PCDHA1: variants seen among roughly 807,000 people sequenced by gnomAD.
PCDHA1 encodes protocadherin alpha-1.
In PCDHA1, 42 loss-of-function variants were observed where a neutral mutation model predicts 61.3. That is an observed-to-expected ratio of 0.69 (90% CI 0.54 to 0.89). The LOEUF is 0.89. Ranked by LOEUF, PCDHA1 falls within the 40% of genes least tolerant of loss-of-function variation. The pLI is 0.00. For missense variants in PCDHA1, 1,256 were observed against 1,235.3 expected, an observed-to-expected ratio of 1.02 and a Z score of -0.25; for synonymous variants, 610 against 553.8, an observed-to-expected ratio of 1.10 and a Z score of -1.43.
chr5:140,994,249 G>A (rs17119346), intron 3 of PCDHA1, among the ~76,000 whole-genome samples: 45,238 of 152,008 alleles, frequency 0.3, 6,962 homozygotes, highest in East Asian at 0.43. Flanking sequence ...CAAACCCTAG[G>A]TAAATAAGGT....
chr5:141,007,498 G>A (rs936217793), intron 3 of PCDHA1, among the ~76,000 whole-genome samples: 1 of 151,942 alleles, frequency 6.6e-6, no homozygotes. Flanking sequence ...GACCTAGGAG[G>A]CAGAGACTGC....
At chr5:140,841,435 G>A (rs2150315414) in intron 1 of PCDHA1, 1 of 1,612,844 alleles carries the variant, frequency 6.2e-7, no homozygotes, top group South Asian at 1.1e-5. Context: ...TCCCCGAGGA[G>A]GCCAAACACG....
chr5:140,803,605 A>T (rs1554122899), intron 1 of PCDHA1: 1 of 1,613,986 alleles, frequency 6.2e-7, no homozygotes, highest in South Asian at 1.1e-5. Context: ...AGTAATTTTT[A>T]TTTATTCTTT....
Position 140,871,175 on chromosome 5 carries a change from C to A in PCDHA1, c.2394+82491C>A, listed in dbSNP as rs782460096. On this transcript the variant is annotated intron_variant, in intron 1 of 3. Coordinates refer to ENST00000504120, the MANE Select transcript of PCDHA1 (RefSeq NM_018900.4). The stretch of plus-strand genomic sequence containing the variant: ...GCGGGCGCCGCGAGCCCAGAGGCTG[C>A]GCTGGTGGATGTCAACGTGTACCTG... 1.4e-5 allele frequency: 22 copies of A among 1,613,402 alleles called. No individual in the cohort carries two copies. The highest frequency in any genetic ancestry group is 2.2e-5 in the South Asian group (2 of 91,092).
chr5:140,906,050 G>T (rs560570961), intron 1 of PCDHA1, among the ~76,000 whole-genome samples: 2 of 152,268 alleles, frequency 1.3e-5, no homozygotes, highest in African/African-American at 4.8e-5. Flanking sequence ...TATTCTGGCT[G>T]CACTGGCAGC....
intron 1 of PCDHA1, among the ~76,000 whole-genome samples, chr5:140,878,691 A>G (rs2057689901): frequency 6.6e-6 from 1 of 152,168 alleles, no homozygotes; most frequent in Non-Finnish European, 1.5e-5. Context: ...AGTCTTACAT[A>G]CCCCAGCCTG....
chr5:140,881,510 A>G (rs2058738971), intron 1 of PCDHA1: 1 of 210,204 alleles, frequency 4.8e-6, no homozygotes, highest in Non-Finnish European at 8.3e-6. Context: ...ACACTCACAT[A>G]CAAAATCCCA....
intron 1 of PCDHA1, chr5:140,862,740 G>T (rs1302893031): frequency 8.7e-6 from 5 of 577,654 alleles, no homozygotes; most frequent in Non-Finnish European, 1.7e-5. Flanking sequence ...GCTATGTGTG[G>T]GTGCACGCGG....
At chr5:140,831,068 A>G (rs1322669648) in intron 1 of PCDHA1, 1 of 152,158 alleles carries the variant, frequency 6.6e-6, no homozygotes, top group Non-Finnish European at 1.5e-5. Flanking sequence ...CCCCTTTTAA[A>G]CCATTGAGGA....
At chr5:140,948,897 T>G (rs1487067374) in intron 1 of PCDHA1, among the ~76,000 whole-genome samples, 4 of 151,680 alleles carry the variant, frequency 2.6e-5, no homozygotes, top group Non-Finnish European at 5.9e-5. Flanking sequence ...AGATTTTAAG[T>G]GGATTCTTAG....
intron 1 of PCDHA1, among the ~76,000 whole-genome samples, chr5:140,892,029 T>C (rs954107632): frequency 2.0e-4 from 30 of 152,336 alleles, no homozygotes; most frequent in Middle Eastern, 6.8e-3. Context: ...TGGTCTAAGA[T>C]ACTTTTATTT....
chr5:140,986,634 A>C (rs1587175680), intron 3 of PCDHA1, among the ~76,000 whole-genome samples: 3 of 152,202 alleles, frequency 2.0e-5, no homozygotes, highest in South Asian at 2.1e-4. Flanking sequence ...GCAACAGTAC[A>C]TTAGTTTTAG....
At chr5:140,910,924 A>T (rs568597600) in intron 1 of PCDHA1, among the ~76,000 whole-genome samples, 1 of 152,142 alleles carries the variant, frequency 6.6e-6, no homozygotes, top group Admixed American at 6.5e-5. Flanking sequence ...GCTTATATAA[A>T]TAAGAAAGCT....
At chr5:140,821,593 C>T in intron 1 of PCDHA1, 2 of 678,042 alleles carry the variant, frequency 2.9e-6, no homozygotes, top group Non-Finnish European at 4.6e-6. Context: ...CCTTCCCAGC[C>T]TCAAAGGAAT....
At chr5:140,952,721 G>A (rs781821007) in intron 1 of PCDHA1, among the ~76,000 whole-genome samples, 1 of 152,100 alleles carries the variant, frequency 6.6e-6, no homozygotes, top group Non-Finnish European at 1.5e-5. Context: ...TCAATTTTCT[G>A]TACTAGTCTT....
intron 1 of PCDHA1, among the ~76,000 whole-genome samples, chr5:140,886,751 G>A (rs1156754601): frequency 2.0e-5 from 3 of 151,312 alleles, no homozygotes; most frequent in African/African-American, 7.3e-5. Context: ...GCTTGAACCC[G>A]GGAGGTGGAG....
At chr5:140,930,778 T>G (rs891094443) in intron 1 of PCDHA1, among the ~76,000 whole-genome samples, 1 of 152,200 alleles carries the variant, frequency 6.6e-6, no homozygotes, top group African/African-American at 2.4e-5. Flanking sequence ...CTTAATATTT[T>G]CACAATATAA....
At chr5:140,834,529 C>T (rs2150220403) in intron 1 of PCDHA1, 3 of 1,614,054 alleles carry the variant, frequency 1.9e-6, no homozygotes, top group Non-Finnish European at 2.5e-6. Context: ...GGCCGCATCG[C>T]GCAGGACCTG....
chr5:140,839,429 G>A (rs1462017919), intron 1 of PCDHA1, among the ~76,000 whole-genome samples: 4 of 151,864 alleles, frequency 2.6e-5, no homozygotes, highest in Non-Finnish European at 4.4e-5. Context: ...TCACTCTGTA[G>A]CCCAGACTGC....
Sources: gnomAD v4.1 joint callset for allele counts (sites outside exome capture counted in the v4.1 genomes callset) on GRCh38, gnomAD v4.1.1 for gene constraint, MANE v1.5 for transcripts, NCBI Gene and HGNC (gene_info 2026-07-23, HGNC 2026-07-21) for gene names.